DYRK1A: variants seen among roughly 807,000 people sequenced by gnomAD.
DYRK1A encodes dual specificity tyrosine phosphorylation regulated kinase 1A.
Under a neutral mutation model 79.7 loss-of-function variants are expected in DYRK1A, and 9 were observed. The observed-to-expected ratio is 0.11, with a 90% confidence interval of 0.07 to 0.20. The LOEUF is 0.20. DYRK1A is among the 10% of genes least tolerant of loss of function. DYRK1A has a pLI of 1.00. For missense variants in DYRK1A, 622 were observed against 956.0 expected (o/e 0.65, Z 4.61); for synonymous variants, 349 against 329.7 (o/e 1.06, Z -0.63).
At chr21:37,383,042 A>G (rs768598394) in intron 1 of DYRK1A, among the ~76,000 whole-genome samples, 5 of 152,220 alleles carry the variant, frequency 3.3e-5, no homozygotes, top group Non-Finnish European at 5.9e-5. Context: ...GATCTCCACC[A>G]TTAAGAAAGC....
At chr21:37,441,961 T>TG (rs1047746740) in intron 2 of DYRK1A, among the ~76,000 whole-genome samples, 17 of 99,480 alleles carry the variant, frequency 1.7e-4, no homozygotes, top group African/African-American at 2.4e-4. Context: ...TTTATTTTGC[T>TG]GTTTTTTTTT....
intron 1 of DYRK1A, among the ~76,000 whole-genome samples, chr21:37,375,568 C>G (rs945352120): frequency 7.2e-6 from 1 of 138,740 alleles, no homozygotes; most frequent in African/African-American, 2.8e-5. Flanking sequence ...TTTTGTCACC[C>G]AGGCTGGAGT....
At chr21:37,483,487 A>G (rs1177052385) in intron 5 of DYRK1A, among the ~76,000 whole-genome samples, 1 of 152,230 alleles carries the variant, frequency 6.6e-6, no homozygotes, top group Non-Finnish European at 1.5e-5. Flanking sequence ...TTTGGTAATT[A>G]CACATAATCC....
At chr21:37,473,442 A>T (rs150452290) in intron 3 of DYRK1A, among the ~76,000 whole-genome samples, 11 of 152,324 alleles carry the variant, frequency 7.2e-5, no homozygotes, top group Admixed American at 7.2e-4. Context: ...ACACATACAC[A>T]TGCATATATA....
intron 2 of DYRK1A, among the ~76,000 whole-genome samples, chr21:37,457,768 A>G (rs1461044053): frequency 5.9e-5 from 9 of 152,210 alleles, no homozygotes; most frequent in Admixed American, 5.9e-4. Context: ...TAGAACTAAA[A>G]AAGAGCAAGT....
At chr21:37,406,785 C>G (rs1001171845) in intron 1 of DYRK1A, among the ~76,000 whole-genome samples, 1 of 147,106 alleles carries the variant, frequency 6.8e-6, no homozygotes, top group Non-Finnish European at 1.5e-5. Flanking sequence ...CTATATACAT[C>G]TCTATATATG....
At chr21:37,463,184 TGTGTGTTTAATGTTGGCAC>T (rs1007640951) in intron 2 of DYRK1A, among the ~76,000 whole-genome samples, 23 of 139,542 alleles carry the variant, frequency 1.6e-4, no homozygotes, top group Non-Finnish European at 2.8e-4. Context: ...TGTGTGTGTG[TGTGTGTTTAATGTTGGCAC>T]GTGTGTGTGT....
At chr21:37,433,311 T>G (rs1329792932) in intron 2 of DYRK1A, among the ~76,000 whole-genome samples, 1 of 152,098 alleles carries the variant, frequency 6.6e-6, no homozygotes, top group African/African-American at 2.4e-5. Context: ...GTTTTTAATA[T>G]TTGTCCCTTT....
rs2049332160 is a variant in DYRK1A at position 37,367,465 on chromosome 21, G to A, written c.-240G>A. On this transcript the variant is annotated 5_prime_UTR_variant, in exon 1 of 12. Transcript: ENST00000647188. ...GGCGCCGCTGGAACCGCGAGCCGAGGAGAGACTGAGCAGGCTGCGGCGCGG... is the reference window on the plus strand; with the variant it reads ...GGCGCCGCTGGAACCGCGAGCCGAGAAGAGACTGAGCAGGCTGCGGCGCGG... 6.7e-6 allele frequency: 1 copy of A among 148,862 alleles called. No homozygotes were observed. The highest frequency in any genetic ancestry group is 1.5e-5 in the Non-Finnish European group (1 of 66,726). 9.2% of individuals were successfully genotyped at this position (148,862 alleles called of 1,614,324 possible). A position where few individuals can be genotyped will look rare whatever the true frequency, so the allele number is the denominator to read the frequency against.
chr21:37,376,186 A>G (rs1354941753), intron 1 of DYRK1A, among the ~76,000 whole-genome samples: 2 of 152,192 alleles, frequency 1.3e-5, no homozygotes, highest in Non-Finnish European at 2.9e-5. Context: ...GGAAGAACAC[A>G]GTCCATGTGC....
intron 1 of DYRK1A, among the ~76,000 whole-genome samples, chr21:37,375,686 G>A (rs572475262): frequency 6.6e-6 from 1 of 151,700 alleles, no homozygotes; most frequent in Admixed American, 6.6e-5. Flanking sequence ...TCACATACCC[G>A]ACTAATTTTT....
intron 1 of DYRK1A, among the ~76,000 whole-genome samples, chr21:37,399,885 A>G (rs2050022972): frequency 2.0e-5 from 3 of 152,354 alleles, no homozygotes; most frequent in South Asian, 4.1e-4. Context: ...TAGAATGTAT[A>G]TATTTTAAGA....
intron 2 of DYRK1A, among the ~76,000 whole-genome samples, chr21:37,468,828 T>C (rs2052122841): frequency 6.6e-6 from 1 of 152,186 alleles, no homozygotes; most frequent in African/African-American, 2.4e-5. Flanking sequence ...ATAGTACTAA[T>C]TGTAAAGCAA....
chr21:37,525,904 G>A lies in DYRK1A; in HGVS notation c.*13373G>A, dbSNP rs554103359. On this transcript the variant is annotated 3_prime_UTR_variant, in exon 12 of 12. Transcript: ENST00000647188. ...TGAATGAGAACTGCCCCGAACCACC[G>A]TTACTAAACACTGAATAGTTTTGGA... 17 of 152,280 alleles carry A rather than the reference G, an allele frequency of 1.1e-4. No homozygotes were observed. The South Asian group carries it at 2.5e-3, about 22-fold the overall frequency. The allele number at this position is 152,280 out of a possible 1,614,324, so 9.4% of individuals were successfully genotyped here. A position where few individuals can be genotyped will look rare whatever the true frequency, so the allele number is the denominator to read the frequency against.
At chr21:37,506,313 T>G (rs1177557080) in intron 11 of DYRK1A, 90 bp downstream of exon 11, 1 of 1,610,106 alleles carries the variant, frequency 6.2e-7, no homozygotes, top group East Asian at 2.2e-5. Flanking sequence ...AATGACCGTA[T>G]CATTTACCCT....
intron 11 of DYRK1A, 91 bp from the exon 12 acceptor site, chr21:37,511,820 A>G (rs2053756697): frequency 7.1e-7 from 1 of 1,410,006 alleles, no homozygotes; most frequent in East Asian, 2.3e-5. Flanking sequence ...GATTAATATG[A>G]TGCTAGTTTG....
At chr21:37,378,311 T>A (rs898256052) in intron 1 of DYRK1A, among the ~76,000 whole-genome samples, 1 of 152,222 alleles carries the variant, frequency 6.6e-6, no homozygotes, top group African/African-American at 2.4e-5. Context: ...GGTGGGCTGA[T>A]CACCTGAGGT....
At chr21:37,365,875 C>T (rs2049291957), upstream of DYRK1A, 1 of 152,354 alleles carries the variant, frequency 6.6e-6, no homozygotes, top group Non-Finnish European at 1.5e-5. Context: ...CACAGGCGAG[C>T]GTGCACTGCC....
At chr21:37,490,559 TC>T in intron 7 of DYRK1A, 98 bp downstream of exon 7, 5 of 1,068,628 alleles carry the variant, frequency 4.7e-6, no homozygotes, top group East Asian at 3.4e-5. Flanking sequence ...ATTGCGGTTT[TC>T]GCCATTGCAG....
Sources: gnomAD v4.1 joint callset for allele counts (sites outside exome capture counted in the v4.1 genomes callset) on GRCh38, gnomAD v4.1.1 for gene constraint, MANE v1.5 for transcripts, NCBI Gene and HGNC (gene_info 2026-07-23, HGNC 2026-07-21) for gene names.